Variants in CDH12 observed in about 807,000 individuals in gnomAD.
The protein encoded by CDH12 is cadherin 12.
CDH12 carries 41 observed loss-of-function variants against 74.1 expected under a neutral mutation model. The ratio of observed to expected loss-of-function variants is 0.55; its 90% confidence interval spans 0.43 to 0.72. The LOEUF (loss-of-function observed/expected upper bound fraction) is 0.72, where lower values mean the gene tolerates loss of function less well. Among genes scored for constraint, CDH12 ranks in the 30% least tolerant of loss-of-function variants. The pLI, the probability that CDH12 is intolerant of heterozygous loss-of-function variation, is 0.00. For synonymous variants in CDH12, 399 were observed against 355.0 expected, an observed-to-expected ratio of 1.12 and a Z score of -1.39; for missense variants, 945 against 977.2, an observed-to-expected ratio of 0.97 and a Z score of 0.44.
chr5:21,966,836 G>A (rs552891066), intron 6 of CDH12, among the ~76,000 whole-genome samples: 1 of 152,054 alleles, frequency 6.6e-6, no homozygotes, highest in South Asian at 2.1e-4. Context: ...TCTAAGTCCT[G>A]GATAGACCTT....
At chr5:22,790,749 T>C (rs1377386512) in intron 1 of CDH12, among the ~76,000 whole-genome samples, 2 of 152,182 alleles carry the variant, frequency 1.3e-5, no homozygotes, top group Non-Finnish European at 2.9e-5. Flanking sequence ...GTTTTGTGAA[T>C]ACCTAAATTG....
intron 7 of CDH12, among the ~76,000 whole-genome samples, chr5:21,843,180 C>T (rs1029217149): frequency 3.3e-5 from 5 of 152,116 alleles, no homozygotes; most frequent in African/African-American, 1.2e-4. Flanking sequence ...TAGTCAATGG[C>T]TTTAGGGAGA....
At chr5:22,523,910 T>C (rs1737155079) in intron 1 of CDH12, among the ~76,000 whole-genome samples, 1 of 152,108 alleles carries the variant, frequency 6.6e-6, no homozygotes, top group Non-Finnish European at 1.5e-5. Context: ...TGAAAACCAC[T>C]GTCCAAATTC....
At chr5:22,228,989 A>G (rs1052526824) in intron 3 of CDH12, among the ~76,000 whole-genome samples, 2 of 152,118 alleles carry the variant, frequency 1.3e-5, no homozygotes, top group African/African-American at 4.8e-5. Flanking sequence ...TACAGGTACT[A>G]TAATTGTTCA....
At chr5:22,447,206 ATTCATAGACTAC>A (rs770013904) in intron 2 of CDH12, among the ~76,000 whole-genome samples, 5 of 151,994 alleles carry the variant, frequency 3.3e-5, no homozygotes, top group Non-Finnish European at 4.4e-5. Flanking sequence ...GCATTTTTTT[ATTCATAGACTAC>A]TTCATTGTAT....
chr5:22,754,831 G>C (rs529614722), intron 1 of CDH12, among the ~76,000 whole-genome samples: 79 of 152,280 alleles, frequency 5.2e-4, no homozygotes, highest in Non-Finnish European at 1.0e-3. Flanking sequence ...CGGGTTAGGT[G>C]TTTATAGGAG....
intron 2 of CDH12, among the ~76,000 whole-genome samples, chr5:22,421,047 G>A (rs1026025968): frequency 6.6e-6 from 1 of 152,116 alleles, no homozygotes; most frequent in Non-Finnish European, 1.5e-5. Context: ...TTTGAATTCT[G>A]AGACTTTGCT....
chr5:21,865,119 G>C (rs2150012068), intron 6 of CDH12, among the ~76,000 whole-genome samples: 1 of 152,266 alleles, frequency 6.6e-6, no homozygotes, highest in Admixed American at 6.5e-5. Flanking sequence ...TTTGTGGAAA[G>C]TAGAACTTAA....
intron 10 of CDH12, among the ~76,000 whole-genome samples, chr5:21,786,566 G>A (rs978952446): frequency 3.3e-5 from 5 of 152,056 alleles, no homozygotes; most frequent in African/African-American, 4.8e-5. Flanking sequence ...GAGCTCAGAC[G>A]GAGATGTATA....
chr5:22,709,348 A>G (rs1743181094), intron 1 of CDH12, among the ~76,000 whole-genome samples: 1 of 152,240 alleles, frequency 6.6e-6, no homozygotes, highest in South Asian at 2.1e-4. Context: ...CCTAAAAAAT[A>G]GCCTGAAAAT....
Position 22,093,222 on chromosome 5 carries a change from G to A in CDH12, c.-186-14360C>T, listed in dbSNP as rs535328350. Among the ~76,000 whole-genome samples the A allele has an allele frequency of 1.4e-4, 22 of 152,260 alleles. 1 individual carries two copies. In the South Asian group the frequency reaches 4.6e-3, roughly 32 times the overall value. ...AGCAGGTGTGGGGTGAGGTTTTGAA[G>A]GGTAAGTAAATCAGACACTCTCTTA... On this transcript the variant is annotated intron_variant, in intron 4 of 14. Coordinates refer to ENST00000382254, the MANE Select transcript of CDH12 (RefSeq NM_004061.5).
intron 4 of CDH12, among the ~76,000 whole-genome samples, chr5:22,086,514 G>A (rs1036426973): frequency 2.0e-5 from 3 of 150,922 alleles, no homozygotes; most frequent in Admixed American, 6.6e-5. Flanking sequence ...CCACTAATTT[G>A]TTTTTTGTTT....
At chr5:22,410,084 G>C (rs1743112640) in intron 2 of CDH12, among the ~76,000 whole-genome samples, 1 of 151,954 alleles carries the variant, frequency 6.6e-6, no homozygotes, top group East Asian at 1.9e-4. Flanking sequence ...AGGATAAAAA[G>C]CCTGCATGTT....
chr5:21,936,510 TAAG>T (rs1038337315), intron 6 of CDH12, among the ~76,000 whole-genome samples: 7 of 152,174 alleles, frequency 4.6e-5, no homozygotes, highest in African/African-American at 7.2e-5. Context: ...TTATGCCTCT[TAAG>T]AAGCATAATG....
chr5:22,093,527 CATATTAT>C (rs1475796693), intron 4 of CDH12, among the ~76,000 whole-genome samples: 1 of 152,078 alleles, frequency 6.6e-6, no homozygotes, highest in Non-Finnish European at 1.5e-5. Context: ...TAAAAGATTA[CATATTAT>C]ATGATTGTTA....
chr5:22,806,033 C>T (rs1748766595), intron 1 of CDH12, among the ~76,000 whole-genome samples: 1 of 152,144 alleles, frequency 6.6e-6, no homozygotes, highest in African/African-American at 2.4e-5. Context: ...GTATATATGG[C>T]ACATTTTCTT....
intron 3 of CDH12, among the ~76,000 whole-genome samples, chr5:22,400,586 A>G (rs1742688603): frequency 6.6e-6 from 1 of 152,070 alleles, no homozygotes; most frequent in South Asian, 2.1e-4. Flanking sequence ...GTGAACCACC[A>G]TGCCTGGCCT....
intron 1 of CDH12, among the ~76,000 whole-genome samples, chr5:22,843,619 T>C (rs1255827280): frequency 3.4e-5 from 5 of 146,838 alleles, no homozygotes; most frequent in African/African-American, 1.2e-4. Context: ...TTGTGGTGTG[T>C]GTGTGTGTGT....
chr5:21,836,651 T>C (rs978113361), intron 8 of CDH12, among the ~76,000 whole-genome samples: 1 of 151,894 alleles, frequency 6.6e-6, no homozygotes, highest in African/African-American at 2.4e-5. Context: ...TGCCAAATGT[T>C]AATTAACGGC....
Sources: gnomAD v4.1 joint callset for allele counts (sites outside exome capture counted in the v4.1 genomes callset) on GRCh38, gnomAD v4.1.1 for gene constraint, MANE v1.5 for transcripts, NCBI Gene and HGNC (gene_info 2026-07-23, HGNC 2026-07-21) for gene names.